ZNF385D: variants seen among roughly 807,000 people sequenced by gnomAD.
ZNF385D encodes the protein zinc finger protein 659.
A neutral mutation model predicts 35.8 loss-of-function variants in ZNF385D; 15 were observed. That is an observed-to-expected ratio of 0.42 (90% CI 0.28 to 0.64). The LOEUF is 0.64. Ranked by LOEUF, ZNF385D falls within the 30% of genes least tolerant of loss-of-function variation. The pLI, the probability that ZNF385D is intolerant of heterozygous loss-of-function variation, is 0.23. For synonymous variants in ZNF385D, 212 were observed against 186.8 expected (o/e 1.13, Z -1.10); for missense variants, 474 against 494.6 (o/e 0.96, Z 0.39).
intron 1 of ZNF385D, among the ~76,000 whole-genome samples, chr3:21,668,480 G>A (rs115437154): frequency 0.023 from 3,511 of 152,196 alleles, 128 homozygotes; most frequent in African/African-American, 0.079. Flanking sequence ...CCCTAATAAA[G>A]TCTCAGAGCT....
At chr3:21,745,563 T>C (rs1488284390) in intron 1 of ZNF385D, among the ~76,000 whole-genome samples, 3 of 152,236 alleles carry the variant, frequency 2.0e-5, no homozygotes, top group Non-Finnish European at 2.9e-5. Context: ...TTGATATTTC[T>C]AGCCACCTCT....
At chr3:22,147,365 A>G (rs1391926259) in intron 3 of ZNF385D, among the ~76,000 whole-genome samples, 1 of 152,110 alleles carries the variant, frequency 6.6e-6, no homozygotes, top group Non-Finnish European at 1.5e-5. Context: ...AGCAGTACAT[A>G]TGCTTTCGGG....
chr3:21,959,632 G>C (rs1009344436), intron 3 of ZNF385D, among the ~76,000 whole-genome samples: 12 of 152,128 alleles, frequency 7.9e-5, no homozygotes, highest in Admixed American at 2.0e-4. Flanking sequence ...TAGTCACCAT[G>C]GTCTCCTGTC....
rs143985155 is a variant in ZNF385D at position 21,852,159 on chromosome 3, G to A, written c.326-187131C>T. ...TATGAGCATCGGGTTTTTAGTTTTC[G>A]TTGTTAAACAATTAAAAATTGCTCT... On this transcript the variant is annotated intron_variant, in intron 3 of 5. Transcript: ENST00000494108. 7.5e-3 allele frequency among the ~76,000 whole-genome samples: 1,138 copies of A among 151,930 alleles called. 19 individuals are homozygous for A. The highest frequency in any genetic ancestry group is 0.025 in the African/African-American group (1,026 of 41,470).
intron 4 of ZNF385D, among the ~76,000 whole-genome samples, chr3:21,441,508 C>T (rs1301501795): frequency 6.6e-6 from 1 of 151,978 alleles, no homozygotes. Flanking sequence ...TGAATTCATC[C>T]TGATTTATTA....
chr3:21,906,882 T>C (rs997760494), intron 3 of ZNF385D, among the ~76,000 whole-genome samples: 8 of 152,168 alleles, frequency 5.3e-5, no homozygotes, highest in African/African-American at 1.4e-4. Context: ...TTCTGTACTC[T>C]TCAAAGTCCA....
At chr3:22,263,737 G>A (rs1235015507) in intron 2 of ZNF385D, among the ~76,000 whole-genome samples, 1 of 151,936 alleles carries the variant, frequency 6.6e-6, no homozygotes, top group Admixed American at 6.6e-5. Context: ...ACCAGGGGCA[G>A]TTTTTATGCC....
At chr3:22,140,475 G>A (rs1704438422) in intron 3 of ZNF385D, among the ~76,000 whole-genome samples, 2 of 152,092 alleles carry the variant, frequency 1.3e-5, no homozygotes, top group Non-Finnish European at 2.9e-5. Context: ...TCCCGGTTGT[G>A]GGCATGGTTA....
intron 3 of ZNF385D, among the ~76,000 whole-genome samples, chr3:22,063,732 G>A (rs144305127): frequency 1.7e-3 from 252 of 152,200 alleles, no homozygotes; most frequent in Non-Finnish European, 2.9e-3. Context: ...GAAAATAGGC[G>A]TCTCACCCAA....
intron 2 of ZNF385D, among the ~76,000 whole-genome samples, chr3:21,636,407 TATATATA>T (rs1398996991): frequency 0.042 from 1,988 of 47,210 alleles, 123 homozygotes; most frequent in African/African-American, 0.14. Context: ...TATATATATA[TATATATA>T]GAGTTTCTTA....
At chr3:21,819,248 G>C (rs987158212) in intron 3 of ZNF385D, among the ~76,000 whole-genome samples, 1 of 151,804 alleles carries the variant, frequency 6.6e-6, no homozygotes, top group Admixed American at 6.6e-5. Context: ...TAAGATGTTA[G>C]AAATGAATTT....
At position 21,544,150 on chromosome 3, in the gene ZNF385D, A is replaced by G. The variant is rs1022492840; in HGVS notation, c.276+20424T>C. ...GCTTTAATCTTTAAGAAATAAAAAC[A>G]GCCCTAAAGACTTAGTAAAATGCAG... On this transcript the variant is annotated intron_variant, in intron 3 of 7. Coordinates refer to ENST00000281523, the MANE Select transcript of ZNF385D (RefSeq NM_024697.3). Among the ~76,000 whole-genome samples the G allele has an allele frequency of 3.3e-5, 5 of 152,238 alleles. No individual in the cohort carries two copies. The East Asian group carries it at 7.7e-4, about 23-fold the overall frequency.
intron 3 of ZNF385D, among the ~76,000 whole-genome samples, chr3:21,787,319 T>C (rs1214310592): frequency 6.6e-6 from 1 of 151,954 alleles, no homozygotes; most frequent in African/African-American, 2.4e-5. Context: ...ACTGAGAAAA[T>C]GGACTTCGAA....
At chr3:21,469,251 G>A (rs1208792662) in intron 4 of ZNF385D, among the ~76,000 whole-genome samples, 2 of 152,114 alleles carry the variant, frequency 1.3e-5, no homozygotes, top group African/African-American at 4.8e-5. Flanking sequence ...TGGAACATGA[G>A]AGGAGGCCAC....
At chr3:21,895,766 G>A (rs890856844) in intron 3 of ZNF385D, among the ~76,000 whole-genome samples, 1 of 152,044 alleles carries the variant, frequency 6.6e-6, no homozygotes, top group Non-Finnish European at 1.5e-5. Context: ...TAATATTTAG[G>A]AAAGAGCTAA....
At chr3:21,635,673 C>A (rs991424667) in intron 2 of ZNF385D, among the ~76,000 whole-genome samples, 2 of 152,044 alleles carry the variant, frequency 1.3e-5, no homozygotes, top group African/African-American at 4.8e-5. Flanking sequence ...GCAGTATACA[C>A]TGAACCGAAT....
At chr3:22,299,898 C>A (rs1052283853) in intron 2 of ZNF385D, among the ~76,000 whole-genome samples, 6 of 151,798 alleles carry the variant, frequency 4.0e-5, no homozygotes, top group Non-Finnish European at 8.8e-5. Flanking sequence ...CCAAAGCAAT[C>A]TACAAATTTA....
At chr3:21,788,427 G>A (rs2071791348) in intron 3 of ZNF385D, among the ~76,000 whole-genome samples, 1 of 151,886 alleles carries the variant, frequency 6.6e-6, no homozygotes, top group African/African-American at 2.4e-5. Flanking sequence ...GCAGTGAGCT[G>A]AGACTGCACC....
chr3:21,949,073 C>T (rs1392221602), intron 3 of ZNF385D, among the ~76,000 whole-genome samples: 1 of 152,116 alleles, frequency 6.6e-6, no homozygotes, highest in Non-Finnish European at 1.5e-5. Flanking sequence ...TATTTAGTTA[C>T]TAGTGATATT....
Sources: gnomAD v4.1 joint callset for allele counts (sites outside exome capture counted in the v4.1 genomes callset) on GRCh38, gnomAD v4.1.1 for gene constraint, MANE v1.5 for transcripts, NCBI Gene and HGNC (gene_info 2026-07-23, HGNC 2026-07-21) for gene names.